Variants in RERE observed in about 807,000 individuals in gnomAD.
RERE encodes arginine-glutamic acid dipeptide repeats protein.
RERE carries 40 observed loss-of-function variants against 146.1 expected under a neutral mutation model. That is an observed-to-expected ratio of 0.27 (90% CI 0.21 to 0.36). The LOEUF (loss-of-function observed/expected upper bound fraction) is 0.36. Ranked by LOEUF, RERE falls within the 10% of genes least tolerant of loss-of-function variation. RERE has a pLI of 1.00. For missense variants in RERE, 1,933 were observed against 2,138.7 expected (o/e 0.90, Z 1.90); for synonymous variants, 1,003 against 866.0 (o/e 1.16, Z -2.78).
At chr1:8,463,616 G>GATTC (rs1644556618) in intron 11 of RERE, among the ~76,000 whole-genome samples, 1 of 152,192 alleles carries the variant, frequency 6.6e-6, no homozygotes, top group Non-Finnish European at 1.5e-5. Flanking sequence ...AAATTCCAGA[G>GATTC]GGAATGAAAG....
intron 1 of RERE, among the ~76,000 whole-genome samples, chr1:8,720,398 T>C (rs1639839833): frequency 6.6e-6 from 1 of 152,146 alleles, no homozygotes; most frequent in Non-Finnish European, 1.5e-5. Flanking sequence ...TTTTGTATTC[T>C]ATAAATTTCA....
At chr1:8,459,171 A>T (rs2124101893) in intron 11 of RERE, among the ~76,000 whole-genome samples, 1 of 152,394 alleles carries the variant, frequency 6.6e-6, no homozygotes, top group African/African-American at 2.4e-5. Flanking sequence ...TAGGAAAAAT[A>T]GTCCAATTTT....
chr1:8,763,060 T>C (rs1640784608), intron 1 of RERE, among the ~76,000 whole-genome samples: 1 of 152,276 alleles, frequency 6.6e-6, no homozygotes, highest in African/African-American at 2.4e-5. Context: ...AAATTTCCTA[T>C]CTGCAATATA....
At chr1:8,601,055 T>C (rs767975615) in intron 4 of RERE, among the ~76,000 whole-genome samples, 1 of 140,524 alleles carries the variant, frequency 7.1e-6, no homozygotes, top group Non-Finnish European at 1.5e-5. Flanking sequence ...AGTCTTGCTA[T>C]GTCAGCCAGG....
At chr1:8,438,553 G>C (rs2124490126) in intron 11 of RERE, among the ~76,000 whole-genome samples, 1 of 152,304 alleles carries the variant, frequency 6.6e-6, no homozygotes, top group South Asian at 2.1e-4. Context: ...ATAGGGAAAA[G>C]AGCAATCAGC....
chr1:8,468,596 A>G (rs886423063), intron 10 of RERE, among the ~76,000 whole-genome samples: 1 of 152,228 alleles, frequency 6.6e-6, no homozygotes, highest in Non-Finnish European at 1.5e-5. Flanking sequence ...TAATTATAAG[A>G]AAAGTATGAG....
intron 3 of RERE, among the ~76,000 whole-genome samples, chr1:8,621,859 T>C (rs1646919856): frequency 1.3e-5 from 2 of 152,248 alleles, no homozygotes; most frequent in South Asian, 4.1e-4. Context: ...CATTCTCATC[T>C]GATTATCTTT....
chr1:8,813,966 G>C (rs573234891), intron 1 of RERE, among the ~76,000 whole-genome samples: 96 of 152,260 alleles, frequency 6.3e-4, no homozygotes, highest in African/African-American at 2.2e-3. Flanking sequence ...AATCAAAGTT[G>C]AAAAGGTAAC....
chr1:8,781,624 T>C (rs1330068975), intron 1 of RERE, among the ~76,000 whole-genome samples: 2 of 151,606 alleles, frequency 1.3e-5, no homozygotes, highest in African/African-American at 4.9e-5. Flanking sequence ...TGCCTCCATT[T>C]TCTCACAATT....
Position 8,359,790 on chromosome 1 carries a change from G to C in RERE, c.3592C>G (p.Arg1198Gly). The C allele has an allele frequency of 6.2e-7, 1 of 1,601,334 alleles. No individual in the cohort carries two copies. The highest frequency in any genetic ancestry group is 8.5e-7 in the Non-Finnish European group (1 of 1,178,616). Residue 1198 changes from arginine to glycine, a missense_variant, in exon 19 of 23, where the codon CGG (arginine) becomes GGG (glycine). This residue lies in a region of RERE where 1,255 missense variants were observed against 1,153.8 expected (regional missense o/e 1.09). Coordinates refer to ENST00000400908, the MANE Select transcript of RERE (RefSeq NM_001042681.2). The stretch of plus-strand genomic sequence containing the variant: ...GCCGCCCGCTCTGCCTCGCGCTCCC[G>C]CTCTCGCTCCCGCTCCCGCTCCTTC... ...KEKEREREREREREAERAAKA... is the reference protein window; with the variant it reads ...KEKEREREREGEREAERAAKA...
intron 1 of RERE, among the ~76,000 whole-genome samples, chr1:8,704,427 CTT>C (rs1639519213): frequency 6.6e-6 from 1 of 152,208 alleles, no homozygotes; most frequent in Non-Finnish European, 1.5e-5. Flanking sequence ...CTTCTGGTAT[CTT>C]CACTATTACA....
chr1:8,762,455 A>G (rs1044754155), intron 1 of RERE, among the ~76,000 whole-genome samples: 2 of 152,166 alleles, frequency 1.3e-5, no homozygotes, highest in Non-Finnish European at 2.9e-5. Flanking sequence ...CATTTACTTA[A>G]TTTTTTTAAA....
chr1:8,406,901 A>G (rs1643460018), intron 12 of RERE, among the ~76,000 whole-genome samples: 1 of 152,200 alleles, frequency 6.6e-6, no homozygotes, highest in Admixed American at 6.5e-5. Context: ...GTGGAGGGTG[A>G]AAAGAACCCT....
rs1553142589 is a variant in RERE, at chr1:8,736,871, A to AAAAAC, written c.-145+80284_-145+80288dup. On this transcript the variant is annotated intron_variant, in intron 1 of 22. Coordinates refer to ENST00000400908, the MANE Select transcript of RERE (RefSeq NM_001042681.2). Reference sequence around the variant, plus strand: ...AGGGGGAAAAAAAAAAAAAAAAAAAAAAAACTAAAACCTTTGGAGAGTCAT... The same window carrying AAAAAC: ...AGGGGGAAAAAAAAAAAAAAAAAAAAAAAACAAAACTAAAACCTTTGGAGAGTCAT... Among the ~76,000 whole-genome samples, 47 of 148,894 alleles carry AAAAAC rather than the reference A, an allele frequency of 3.2e-4. 1 individual carries two copies. Among genetic ancestry groups the AAAAAC allele is most frequent in the Middle Eastern group, 3.5e-3 (1 of 288 alleles).
Position 8,416,518 on chromosome 1 carries a change from G to A in RERE, c.1284+6209C>T, listed in dbSNP as rs566703989. Among the ~76,000 whole-genome samples the A allele has an allele frequency of 3.9e-4, 59 of 150,620 alleles. No homozygotes were observed. The East Asian group carries it at 5.1e-3, about 13-fold the overall frequency. On this transcript the variant is annotated intron_variant, in intron 12 of 22. Transcript: ENST00000400908. The stretch of plus-strand genomic sequence containing the variant: ...GGAGAATGGCGTGAACCTGGGAGGC[G>A]GAGCTTGCAGTGAGCCGAGACTGCA...
chr1:8,497,390 G>A lies in RERE; in HGVS notation c.1004+15C>T, dbSNP rs765218637. The A allele has an allele frequency of 1.7e-5, 27 of 1,613,938 alleles. No individual in the cohort carries two copies. Among genetic ancestry groups the A allele is most frequent in the Non-Finnish European group, 2.0e-5 (24 of 1,179,884 alleles). ...GTCTAATTCAGAAAGCAGGATGGGG[G>A]TAGATTCCTATTACCTTGCTGCCCT... is the stretch of plus-strand genomic sequence containing the variant. On this transcript the variant is annotated intron_variant, in intron 9 of 22. Transcript: ENST00000400908.
intron 4 of RERE, among the ~76,000 whole-genome samples, chr1:8,610,905 A>C (rs1055813518): frequency 2.6e-4 from 40 of 151,892 alleles, no homozygotes; most frequent in African/African-American, 9.2e-4. Flanking sequence ...AAAAAAAAAA[A>C]AACCATACAC....
intron 1 of RERE, among the ~76,000 whole-genome samples, chr1:8,804,225 C>G (rs1641641554): frequency 6.6e-6 from 1 of 151,952 alleles, no homozygotes; most frequent in African/African-American, 2.4e-5. Flanking sequence ...GATTATGCTA[C>G]CAAGATCAGA....
intron 1 of RERE, among the ~76,000 whole-genome samples, chr1:8,802,280 T>G (rs992970507): frequency 1.3e-5 from 2 of 152,202 alleles, no homozygotes; most frequent in Non-Finnish European, 2.9e-5. Context: ...TCTTACTATG[T>G]GGTCTGAACA....
Sources: gnomAD v4.1 joint callset for allele counts (sites outside exome capture counted in the v4.1 genomes callset) on GRCh38, gnomAD v4.1.1 for gene constraint, gnomAD v4.1.1 regional missense constraint, MANE v1.5 for transcripts, NCBI Gene and HGNC (gene_info 2026-07-23, HGNC 2026-07-21) for gene names.